Variants in SV2C observed in about 807,000 individuals in gnomAD.
The protein encoded by SV2C is synaptic vesicle glycoprotein 2C, also known as solute carrier family 22 member B3.
SV2C carries 49 observed loss-of-function variants against 79.7 expected under a neutral mutation model. The observed-to-expected ratio is 0.61, with a 90% CI of 0.49 to 0.78. The LOEUF (loss-of-function observed/expected upper bound fraction) is 0.78. SV2C is among the 30% of genes least tolerant of loss of function. The pLI is 0.00. For synonymous variants in SV2C, 334 were observed against 333.2 expected, an observed-to-expected ratio of 1.00 and a Z score of -0.03; for missense variants, 833 against 912.9, an observed-to-expected ratio of 0.91 and a Z score of 1.13.
At chr5:76,195,737 G>A (rs1038510177) in intron 3 of SV2C, among the ~76,000 whole-genome samples, 1 of 151,850 alleles carries the variant, frequency 6.6e-6, no homozygotes, top group Non-Finnish European at 1.5e-5. Flanking sequence ...AGCTGAATAA[G>A]GAATATATGA....
At chr5:76,203,555 C>T (rs944156183) in intron 3 of SV2C, among the ~76,000 whole-genome samples, 5 of 152,018 alleles carry the variant, frequency 3.3e-5, no homozygotes, top group African/African-American at 1.2e-4. Context: ...TCCATGACTA[C>T]CCCACTTCCC....
chr5:76,344,637 A>G (rs1350309493), intron 12 of SV2C, among the ~76,000 whole-genome samples: 1 of 152,176 alleles, frequency 6.6e-6, no homozygotes, highest in African/African-American at 2.4e-5. Flanking sequence ...TGAACCTGGG[A>G]GGCGGAGGTT....
chr5:75,916,275 C>G, the SV2C span, among the ~76,000 whole-genome samples: 4 of 146,926 alleles, frequency 2.7e-5, no homozygotes, highest in Non-Finnish European at 3.0e-5. Flanking sequence ...TTCTTCCTCA[C>G]CTTCCTCCTC....
At chr5:75,984,610 T>TCTACCTAC in the SV2C span, among the ~76,000 whole-genome samples, 3 of 144,704 alleles carry the variant, frequency 2.1e-5, no homozygotes, top group African/African-American at 8.0e-5. Context: ...TATCTATCTA[T>TCTACCTAC]CTATCTATCT....
the SV2C span, among the ~76,000 whole-genome samples, chr5:76,067,423 T>C: frequency 2.0e-5 from 3 of 152,174 alleles, no homozygotes; most frequent in Non-Finnish European, 4.4e-5. Flanking sequence ...AAGCAGTCAA[T>C]GAATTATTAT....
At chr5:76,131,136 A>G (rs750261160) in intron 1 of SV2C, among the ~76,000 whole-genome samples, 8 of 152,176 alleles carry the variant, frequency 5.3e-5, no homozygotes, top group African/African-American at 1.7e-4. Context: ...GAGAAATTCA[A>G]TTTTACAAAT....
the SV2C span, among the ~76,000 whole-genome samples, chr5:76,025,219 C>A: frequency 6.7e-6 from 1 of 149,788 alleles, no homozygotes; most frequent in African/African-American, 2.5e-5. Context: ...AACCCAAACA[C>A]CTAAGCAGTG....
downstream of SV2C, among the ~76,000 whole-genome samples, chr5:76,336,103 A>ACC (rs746216500): frequency 6.9e-5 from 3 of 43,526 alleles, 1 homozygote; most frequent in African/African-American, 1.8e-4. Flanking sequence ...CGGGGGTCTG[A>ACC]CCCCCCCCAC....
At chr5:76,336,663 G>A (rs758406899), downstream of SV2C, among the ~76,000 whole-genome samples, 1 of 152,072 alleles carries the variant, frequency 6.6e-6, no homozygotes, top group Admixed American at 6.6e-5. Flanking sequence ...GGCCGAGGCC[G>A]GCGGACCACT....
upstream of SV2C, chr5:76,079,622 G>T: frequency 2.9e-6 from 1 of 346,824 alleles, no homozygotes; most frequent in Non-Finnish European, 5.7e-6. Context: ...GGCAAACTGT[G>T]TCAATCTGAC....
the SV2C span, among the ~76,000 whole-genome samples, chr5:76,048,609 G>T: frequency 6.6e-6 from 1 of 151,928 alleles, no homozygotes; most frequent in Admixed American, 6.6e-5. Flanking sequence ...TATTAGACTG[G>T]GTCATAATCC....
the SV2C span, among the ~76,000 whole-genome samples, chr5:76,028,136 G>T: frequency 2.6e-5 from 4 of 152,046 alleles, no homozygotes; most frequent in Non-Finnish European, 5.9e-5. Flanking sequence ...GTCCCTCCCC[G>T]CATCATGGCT....
At chr5:76,026,864 G>C in the SV2C span, among the ~76,000 whole-genome samples, 1 of 152,112 alleles carries the variant, frequency 6.6e-6, no homozygotes. Context: ...GAGTTCCTGA[G>C]GATGGAGGTG....
At chr5:76,201,128 GA>G (rs1744428650) in intron 3 of SV2C, among the ~76,000 whole-genome samples, 1 of 152,184 alleles carries the variant, frequency 6.6e-6, no homozygotes, top group African/African-American at 2.4e-5. Flanking sequence ...CCTGCCTGGG[GA>G]CAACAGCGTT....
chr5:75,985,489 T>C, the SV2C span, among the ~76,000 whole-genome samples: 13 of 152,090 alleles, frequency 8.5e-5, no homozygotes, highest in South Asian at 2.7e-3. Flanking sequence ...CTCCAGGATA[T>C]AATTTCATCC....
intron 4 of SV2C, among the ~76,000 whole-genome samples, chr5:76,233,574 G>C (rs1412925331): frequency 6.8e-6 from 1 of 147,830 alleles, no homozygotes; most frequent in Non-Finnish European, 1.5e-5. Flanking sequence ...TTTGCTGTGG[G>C]TTTGTCATAG....
chr5:75,871,868 T>C, the SV2C span, among the ~76,000 whole-genome samples: 4 of 145,038 alleles, frequency 2.8e-5, no homozygotes, highest in African/African-American at 1.0e-4. Context: ...CGTATATATA[T>C]TTTTATTATT....
intron 5 of SV2C, 158 bp from the exon 6 acceptor site, chr5:76,285,623 A>G: frequency 1.6e-6 from 1 of 637,086 alleles, no homozygotes. Context: ...TCATGTATTC[A>G]GTGATATCCA....
chr5:76,292,661 A>G (rs1747605197), intron 8 of SV2C, among the ~76,000 whole-genome samples: 1 of 152,206 alleles, frequency 6.6e-6, no homozygotes, highest in South Asian at 2.1e-4. Context: ...TAAAAAAATA[A>G]TAATAATTTT....
Sources: allele counts gnomAD v4.1 joint callset (sites outside exome capture counted in the v4.1 genomes callset), GRCh38; gene constraint gnomAD v4.1.1; transcripts MANE v1.5; gene names NCBI Gene and HGNC (gene_info 2026-07-23, HGNC 2026-07-21).